The following SUCLG2 variants were observed in gnomAD, a reference collection of about 807,000 sequenced individuals.
SUCLG2 encodes succinate-CoA ligase GDP-forming subunit beta.
In SUCLG2, 42 loss-of-function variants were observed where a neutral mutation model predicts 47.9. The observed-to-expected ratio is 0.88, with a 90% confidence interval of 0.69 to 1.14. The LOEUF is 1.14. Ranked by LOEUF, SUCLG2 falls within the 50% of genes most tolerant of loss-of-function variation. The pLI is 0.00. For missense variants in SUCLG2, 571 were observed against 525.9 expected (o/e 1.09, Z -0.84); for synonymous variants, 195 against 197.3 (o/e 0.99, Z 0.10).
At chr3:67,378,938 T>C (rs1460343243) in intron 10 of SUCLG2, among the ~76,000 whole-genome samples, 1 of 152,060 alleles carries the variant, frequency 6.6e-6, no homozygotes, top group Admixed American at 6.5e-5. Context: ...AGAAGGTAAA[T>C]GACAGTTACA....
At chr3:67,402,654 T>A (rs1270975242) in intron 9 of SUCLG2, among the ~76,000 whole-genome samples, 1 of 152,186 alleles carries the variant, frequency 6.6e-6, no homozygotes. Flanking sequence ...AATGACTCCA[T>A]GGGGTCCATG....
At chr3:67,565,098 A>T (rs1707414291) in intron 2 of SUCLG2, among the ~76,000 whole-genome samples, 1 of 152,154 alleles carries the variant, frequency 6.6e-6, no homozygotes, top group Non-Finnish European at 1.5e-5. Context: ...CTTAAATAGT[A>T]TTTTGACAGG....
At chr3:67,511,945 G>T (rs1205592702) in intron 6 of SUCLG2, among the ~76,000 whole-genome samples, 1 of 150,716 alleles carries the variant, frequency 6.6e-6, no homozygotes, top group Non-Finnish European at 1.5e-5. Flanking sequence ...TGAACTCCTG[G>T]GCTCAGATGA....
At chr3:67,586,027 T>C (rs529344419) in intron 2 of SUCLG2, among the ~76,000 whole-genome samples, 1 of 150,956 alleles carries the variant, frequency 6.6e-6, no homozygotes, top group East Asian at 2.0e-4. Context: ...ATTTCAATTA[T>C]TTTCCCTGAT....
At chr3:67,494,806 T>C (rs1705288481) in intron 9 of SUCLG2, among the ~76,000 whole-genome samples, 1 of 152,184 alleles carries the variant, frequency 6.6e-6, no homozygotes, top group Non-Finnish European at 1.5e-5. Context: ...ACTGAGTATC[T>C]ACAGGTGAAA....
intron 9 of SUCLG2, among the ~76,000 whole-genome samples, chr3:67,441,784 G>A (rs1703770037): frequency 6.6e-6 from 1 of 152,148 alleles, no homozygotes. Flanking sequence ...GGCATGAAAG[G>A]AACCAAGAAA....
intron 9 of SUCLG2, among the ~76,000 whole-genome samples, chr3:67,466,863 A>T (rs886965081): frequency 6.6e-6 from 1 of 152,222 alleles, no homozygotes; most frequent in Non-Finnish European, 1.5e-5. Flanking sequence ...AACAACCAAG[A>T]TACAAAGATA....
intron 9 of SUCLG2, among the ~76,000 whole-genome samples, chr3:67,472,025 TA>T (rs1159830804): frequency 6.6e-6 from 1 of 152,158 alleles, no homozygotes; most frequent in East Asian, 1.9e-4. Flanking sequence ...ATAAAATTAC[TA>T]AAAATAATTT....
chr3:67,362,997 T>C (rs1701826475), intron 10 of SUCLG2, among the ~76,000 whole-genome samples: 1 of 152,202 alleles, frequency 6.6e-6, no homozygotes, highest in African/African-American at 2.4e-5. Context: ...TTCCTTTCCC[T>C]GCACTAATCT....
chr3:67,464,947 C>T (rs1053099481), intron 9 of SUCLG2, among the ~76,000 whole-genome samples: 1 of 152,112 alleles, frequency 6.6e-6, no homozygotes, highest in Non-Finnish European at 1.5e-5. Context: ...GTGAGAGCTG[C>T]CAGGACGAAT....
intron 9 of SUCLG2, among the ~76,000 whole-genome samples, chr3:67,457,557 G>A (rs772193088): frequency 6.6e-5 from 10 of 152,028 alleles, no homozygotes; most frequent in Non-Finnish European, 1.2e-4. Flanking sequence ...GAAGATGCCC[G>A]AGGAAAACTG....
chr3:67,419,658 G>A (rs187628735), intron 9 of SUCLG2, among the ~76,000 whole-genome samples: 1 of 152,156 alleles, frequency 6.6e-6, no homozygotes, highest in African/African-American at 2.4e-5. Context: ...CCCAATTTAT[G>A]ACAGTATGAT....
chr3:67,640,634 G>C (rs908029516), intron 1 of SUCLG2, among the ~76,000 whole-genome samples: 1 of 151,966 alleles, frequency 6.6e-6, no homozygotes, highest in African/African-American at 2.4e-5. Flanking sequence ...TATTATTGCT[G>C]GCTAATTTTC....
intron 2 of SUCLG2, among the ~76,000 whole-genome samples, chr3:67,550,498 C>A (rs1393465866): frequency 6.6e-6 from 1 of 152,030 alleles, no homozygotes; most frequent in East Asian, 1.9e-4. Context: ...AAGTGCACAC[C>A]ACCATGCCTG....
chr3:67,623,353 T>C (rs76919255), intron 1 of SUCLG2, among the ~76,000 whole-genome samples: 1 of 151,836 alleles, frequency 6.6e-6, no homozygotes, highest in Non-Finnish European at 1.5e-5. Flanking sequence ...ACAAAAAAAT[T>C]AGCTGGGCGT....
chr3:67,603,143 A>G (rs1322523002), intron 2 of SUCLG2, among the ~76,000 whole-genome samples: 10 of 152,202 alleles, frequency 6.6e-5, no homozygotes, highest in Non-Finnish European at 1.3e-4. Flanking sequence ...TGGGCAGCTG[A>G]TATGTTGGTA....
intron 10 of SUCLG2, among the ~76,000 whole-genome samples, chr3:67,378,894 C>T (rs1211771306): frequency 6.6e-6 from 1 of 152,134 alleles, no homozygotes; most frequent in Non-Finnish European, 1.5e-5. Context: ...AACAAAAGCC[C>T]TGATGGACAC....
intron 7 of SUCLG2, among the ~76,000 whole-genome samples, chr3:67,505,063 T>C (rs891199521): frequency 6.6e-6 from 1 of 152,206 alleles, no homozygotes; most frequent in Non-Finnish European, 1.5e-5. Flanking sequence ...AAACTGTATG[T>C]CTCCTATACC....
chr3:67,404,138 C>T (rs1382397470), intron 9 of SUCLG2, among the ~76,000 whole-genome samples: 1 of 152,176 alleles, frequency 6.6e-6, no homozygotes, highest in Non-Finnish European at 1.5e-5. Flanking sequence ...CCTGCCTTGG[C>T]CTCCCAAAGT....
Sources: gnomAD v4.1 joint callset for allele counts (sites outside exome capture counted in the v4.1 genomes callset) on GRCh38, gnomAD v4.1.1 for gene constraint, MANE v1.5 for transcripts, NCBI Gene and HGNC (gene_info 2026-07-23, HGNC 2026-07-21) for gene names.